Variants in CSMD1 observed in about 807,000 individuals in gnomAD.
The protein encoded by CSMD1 is CUB and Sushi multiple domains 1.
Under a neutral mutation model 417.5 loss-of-function variants are expected in CSMD1, and 213 were observed. The ratio of observed to expected loss-of-function variants is 0.51; its 90% confidence interval spans 0.46 to 0.57. CSMD1 has a LOEUF of 0.57. Ranked by LOEUF, CSMD1 falls within the 20% of genes least tolerant of loss-of-function variation. CSMD1 has a pLI of 0.00. For missense variants in CSMD1, 6,923 were observed against 4,529.7 expected, an observed-to-expected ratio of 1.53 and a Z score of -15.17; for synonymous variants, 2,862 against 1,736.8, an observed-to-expected ratio of 1.65 and a Z score of -16.11.
intron 1 of CSMD1, among the ~76,000 whole-genome samples, chr8:4,699,667 A>G (rs1199620724): frequency 1.3e-5 from 2 of 152,216 alleles, no homozygotes; most frequent in African/African-American, 4.8e-5. Context: ...CATTTTAAAC[A>G]ATGTCATCAT....
chr8:4,683,256 AG>A (rs1405936283), intron 1 of CSMD1, among the ~76,000 whole-genome samples: 1 of 152,088 alleles, frequency 6.6e-6, no homozygotes, highest in African/African-American at 2.4e-5. Context: ...CTTTTCAGAA[AG>A]ATATGTTAAA....
intron 49 of CSMD1, among the ~76,000 whole-genome samples, chr8:3,071,356 T>G (rs371119770): frequency 2.0e-5 from 3 of 151,524 alleles, no homozygotes; most frequent in East Asian, 3.9e-4. Context: ...CATCACGGGG[T>G]GGGGAGCAAG....
intron 3 of CSMD1, among the ~76,000 whole-genome samples, chr8:4,068,633 C>G (rs946980421): frequency 2.0e-5 from 3 of 151,978 alleles, no homozygotes; most frequent in African/African-American, 7.3e-5. Context: ...GTTACCATAT[C>G]AGTGGAACTG....
At chr8:4,064,027 A>G (rs756674278) in intron 3 of CSMD1, among the ~76,000 whole-genome samples, 1 of 152,224 alleles carries the variant, frequency 6.6e-6, no homozygotes, top group Non-Finnish European at 1.5e-5. Flanking sequence ...CAGATGCTCA[A>G]CTGACACCAG....
chr8:3,497,053 G>C (rs1334332036), intron 10 of CSMD1, among the ~76,000 whole-genome samples: 1 of 152,054 alleles, frequency 6.6e-6, no homozygotes, highest in African/African-American at 2.4e-5. Context: ...TTGTTTTGTG[G>C]GATAACATAC....
chr8:4,206,731 C>G (rs1177019267), intron 3 of CSMD1, among the ~76,000 whole-genome samples: 1 of 152,086 alleles, frequency 6.6e-6, no homozygotes. Flanking sequence ...AATAGTATTT[C>G]TAGAGGATTT....
chr8:4,131,071 C>G (rs1355903352), intron 3 of CSMD1, among the ~76,000 whole-genome samples: 1 of 152,102 alleles, frequency 6.6e-6, no homozygotes, highest in African/African-American at 2.4e-5. Context: ...TTAGAAATGC[C>G]TCAGAGAAGT....
intron 5 of CSMD1, among the ~76,000 whole-genome samples, chr8:3,802,379 AT>A (rs1800505614): frequency 6.6e-6 from 1 of 152,150 alleles, no homozygotes; most frequent in African/African-American, 2.4e-5. Context: ...GAGATATTTA[AT>A]TGAAAGGGAC....
intron 3 of CSMD1, among the ~76,000 whole-genome samples, chr8:4,172,360 A>G (rs959733237): frequency 8.5e-5 from 13 of 152,064 alleles, no homozygotes; most frequent in African/African-American, 3.1e-4. Context: ...TTTAAATTGG[A>G]TTACCTATAA....
intron 1 of CSMD1, among the ~76,000 whole-genome samples, chr8:4,671,837 G>A (rs1416049668): frequency 6.6e-6 from 1 of 152,090 alleles, no homozygotes; most frequent in Non-Finnish European, 1.5e-5. Flanking sequence ...CGTTTGAGGA[G>A]TTTCATTTAT....
intron 5 of CSMD1, among the ~76,000 whole-genome samples, chr8:3,794,113 C>T (rs915957860): frequency 3.3e-5 from 5 of 152,162 alleles, no homozygotes; most frequent in African/African-American, 1.2e-4. Context: ...CGCAGGCACA[C>T]ACCCTGCCTA....
chr8:4,600,657 T>A (rs1800531668), intron 2 of CSMD1, among the ~76,000 whole-genome samples: 1 of 152,206 alleles, frequency 6.6e-6, no homozygotes, highest in South Asian at 2.1e-4. Context: ...AATGTTTAGA[T>A]AAGAAATTGA....
chr8:3,786,037 C>T (rs1383953), intron 5 of CSMD1, among the ~76,000 whole-genome samples: 11,855 of 151,926 alleles, frequency 0.078, 503 homozygotes, highest in Middle Eastern at 0.11. Flanking sequence ...ATTAGAAGGA[C>T]GGAAGAAGTG....
intron 2 of CSMD1, among the ~76,000 whole-genome samples, chr8:4,425,779 A>G (rs1473515918): frequency 6.6e-6 from 1 of 152,192 alleles, no homozygotes; most frequent in Non-Finnish European, 1.5e-5. Context: ...GGTGTCTTGC[A>G]GTAGCAAGTC....
chr8:3,409,969 T>C (rs1812582452), intron 12 of CSMD1, among the ~76,000 whole-genome samples: 1 of 152,222 alleles, frequency 6.6e-6, no homozygotes, highest in Non-Finnish European at 1.5e-5. Context: ...ACTATGTGCT[T>C]TTTGCTATAA....
At chr8:3,021,448 C>G (rs559334432) in intron 51 of CSMD1, among the ~76,000 whole-genome samples, 13 of 152,300 alleles carry the variant, frequency 8.5e-5, no homozygotes, top group African/African-American at 2.9e-4. Context: ...TTGTCATACA[C>G]CGAAGGGAAA....
chr8:3,179,022 A>C (rs1308303534), intron 37 of CSMD1, among the ~76,000 whole-genome samples: 1 of 147,484 alleles, frequency 6.8e-6, no homozygotes, highest in Non-Finnish European at 1.5e-5. Context: ...ATCTTGGCTC[A>C]CTGCAAGCTC....
chr8:3,689,923 A>G (rs1208535865), intron 7 of CSMD1, among the ~76,000 whole-genome samples: 1 of 152,212 alleles, frequency 6.6e-6, no homozygotes, highest in Non-Finnish European at 1.5e-5. Context: ...GCAAATAATC[A>G]CGTTCATCAA....
intron 1 of CSMD1, among the ~76,000 whole-genome samples, chr8:4,720,486 C>T (rs372367852): frequency 7.2e-5 from 11 of 152,218 alleles, no homozygotes; most frequent in East Asian, 1.9e-4. Context: ...GGCATGATCT[C>T]GGCGCACTAT....
Sources: gnomAD v4.1 joint callset for allele counts (sites outside exome capture counted in the v4.1 genomes callset) on GRCh38, gnomAD v4.1.1 for gene constraint, MANE v1.5 for transcripts, NCBI Gene and HGNC (gene_info 2026-07-23, HGNC 2026-07-21) for gene names.